The following SLC35F4 variants were observed in gnomAD, a reference collection of about 807,000 sequenced individuals.
SLC35F4 encodes the protein chromosome 14 open reading frame 36.
SLC35F4 carries 24 observed loss-of-function variants against 44.2 expected under a neutral mutation model. That is an observed-to-expected ratio of 0.54 (90% CI 0.39 to 0.76). SLC35F4 has a LOEUF of 0.76. Among genes scored for constraint, SLC35F4 ranks in the 30% least tolerant of loss-of-function variants. The probability of loss-of-function intolerance (pLI) is 0.00; values close to 1 mark genes in which losing one functional copy is unlikely to be tolerated. For missense variants in SLC35F4, 562 were observed against 586.1 expected (o/e 0.96, Z 0.42); for synonymous variants, 238 against 223.6 (o/e 1.06, Z -0.57).
chr14:57,887,856 T>C (rs1014490364), intron 1 of SLC35F4, among the ~76,000 whole-genome samples: 1 of 152,164 alleles, frequency 6.6e-6, no homozygotes, highest in African/African-American at 2.4e-5. Flanking sequence ...GCTTATTGGG[T>C]GTCAGCTGAC....
intron 1 of SLC35F4, among the ~76,000 whole-genome samples, chr14:57,834,690 C>T (rs1884719108): frequency 1.3e-5 from 2 of 152,178 alleles, no homozygotes; most frequent in South Asian, 4.1e-4. Context: ...TCAAATCCTT[C>T]CTATCCAGCA....
At chr14:57,912,141 A>G (rs189291447) in intron 1 of SLC35F4, among the ~76,000 whole-genome samples, 1 of 151,974 alleles carries the variant, frequency 6.6e-6, no homozygotes, top group Non-Finnish European at 1.5e-5. Flanking sequence ...GTTATTAGTA[A>G]TCTGCACATC....
At chr14:57,918,412 C>T (rs530569309) in intron 1 of SLC35F4, among the ~76,000 whole-genome samples, 4 of 152,200 alleles carry the variant, frequency 2.6e-5, no homozygotes, top group South Asian at 2.1e-4. Context: ...ATTTGGGAGG[C>T]GGTGGTTTTC....
chr14:57,817,950 G>A (rs1882783888), intron 1 of SLC35F4, among the ~76,000 whole-genome samples: 1 of 152,116 alleles, frequency 6.6e-6, no homozygotes, highest in Non-Finnish European at 1.5e-5. Flanking sequence ...CTTCATTAAA[G>A]CAATAGGGAA....
intron 1 of SLC35F4, among the ~76,000 whole-genome samples, chr14:57,645,505 C>T (rs61112176): frequency 0.027 from 4,058 of 152,136 alleles, 82 homozygotes; most frequent in South Asian, 0.075. Flanking sequence ...TGCTTATCAG[C>T]TTAAGGAGAT....
intron 1 of SLC35F4, among the ~76,000 whole-genome samples, chr14:57,789,703 T>C (rs2077864258): frequency 6.6e-6 from 1 of 152,052 alleles, no homozygotes; most frequent in Admixed American, 6.6e-5. Flanking sequence ...AAAATAAAAT[T>C]TCAGACCAAC....
Position 57,665,105 on chromosome 14 carries a change from A to G in SLC35F4, c.104-70981T>C, listed in dbSNP as rs575384720. 2.0e-5 allele frequency among the ~76,000 whole-genome samples: 3 copies of G among 151,774 alleles called. No homozygotes were observed. In the South Asian group the frequency reaches 6.3e-4, roughly 32 times the overall value. ...CTTCCCTTTGTCATCCACTCCTCAT[A>G]TTTTCAAACATCAACCGCCCTCCCG... is the stretch of plus-strand genomic sequence containing the variant. On this transcript the variant is annotated intron_variant, in intron 1 of 7. Coordinates refer to ENST00000556826, the MANE Select transcript of SLC35F4 (RefSeq NM_001306087.2).
At chr14:57,582,725 G>A (rs957120327) in intron 3 of SLC35F4, among the ~76,000 whole-genome samples, 5 of 152,170 alleles carry the variant, frequency 3.3e-5, no homozygotes, top group Admixed American at 6.5e-5. Flanking sequence ...TGTTTATAAT[G>A]AAATCTATTT....
At chr14:57,792,028 G>A (rs949907770) in intron 1 of SLC35F4, among the ~76,000 whole-genome samples, 1 of 151,906 alleles carries the variant, frequency 6.6e-6, no homozygotes, top group Non-Finnish European at 1.5e-5. Flanking sequence ...CGGGTTGATG[G>A]GGGCAGCAAA....
intron 1 of SLC35F4, among the ~76,000 whole-genome samples, chr14:57,705,406 C>A (rs1489476060): frequency 6.6e-6 from 1 of 152,168 alleles, no homozygotes; most frequent in African/African-American, 2.4e-5. Context: ...TGCTGGTTCT[C>A]TGTCTGACTC....
At chr14:57,721,265 G>C (rs2076080214) in intron 1 of SLC35F4, among the ~76,000 whole-genome samples, 1 of 151,914 alleles carries the variant, frequency 6.6e-6, no homozygotes, top group South Asian at 2.1e-4. Context: ...TGTTTAGAGA[G>C]TTATGCAAAA....
At chr14:57,588,186 A>G (rs1473996696) in intron 3 of SLC35F4, among the ~76,000 whole-genome samples, 1 of 152,222 alleles carries the variant, frequency 6.6e-6, no homozygotes, top group Non-Finnish European at 1.5e-5. Flanking sequence ...TGGAATTTGA[A>G]GATAGACCCT....
rs1889389418 is a variant in SLC35F4 at position 57,919,120 on chromosome 14, G to T, written n.282+62793C>A. On this transcript the variant is annotated intron_variant and non_coding_transcript_variant, in intron 1 of 1. Coordinates refer to the SLC35F4 transcript ENST00000556568. ...CATGGTTTGGATGCAGAAGACAGAG[G>T]AACCATGAGATGGAAGGAGCTCAAG... Among the ~76,000 whole-genome samples the T allele has an allele frequency of 2.6e-5, 4 of 152,138 alleles. No homozygotes were observed. The South Asian group carries it at 8.3e-4, about 32-fold the overall frequency.
rs144284763 is a variant in SLC35F4, at chr14:57,729,161, T to C, written c.104-135037A>G. ...TCTATGGGCTAAACCTGCTTGGTGT[T>C]CTATAACCCTCTTGTACTTGAACAT... On this transcript the variant is annotated intron_variant, in intron 1 of 7. Coordinates refer to ENST00000556826, the MANE Select transcript of SLC35F4 (RefSeq NM_001306087.2). Among the ~76,000 whole-genome samples, 993 of 152,284 alleles carry C rather than the reference T, an allele frequency of 6.5e-3. 7 individuals carry two copies. Among genetic ancestry groups the C allele is most frequent in the African/African-American group, 0.022 (926 of 41,546 alleles).
intron 1 of SLC35F4, among the ~76,000 whole-genome samples, chr14:57,814,395 T>C (rs956848222): frequency 3.9e-5 from 6 of 152,216 alleles, no homozygotes; most frequent in African/African-American, 1.4e-4. Flanking sequence ...CCCAAAGACC[T>C]AGTCCAAACT....
intron 1 of SLC35F4, among the ~76,000 whole-genome samples, chr14:57,677,420 A>ATTAG (rs1223995184): frequency 6.6e-6 from 1 of 151,600 alleles, no homozygotes; most frequent in Non-Finnish European, 1.5e-5. Context: ...AAAAATAAAA[A>ATTAG]TTATTTAAAA....
At chr14:57,613,412 G>A (rs2071623733) in intron 1 of SLC35F4, among the ~76,000 whole-genome samples, 1 of 152,160 alleles carries the variant, frequency 6.6e-6, no homozygotes, top group African/African-American at 2.4e-5. Flanking sequence ...TGAGGAGATG[G>A]CGGTCTGTGC....
intron 1 of SLC35F4, among the ~76,000 whole-genome samples, chr14:57,726,001 A>T (rs1387956669): frequency 2.0e-5 from 3 of 152,150 alleles, no homozygotes; most frequent in Non-Finnish European, 2.9e-5. Context: ...ATTCCATTAA[A>T]CTAGAAGTTA....
intron 1 of SLC35F4, among the ~76,000 whole-genome samples, chr14:57,914,961 G>T (rs538129924): frequency 6.6e-6 from 1 of 152,148 alleles, no homozygotes; most frequent in Non-Finnish European, 1.5e-5. Context: ...ACAAGTCTCT[G>T]TCTGGGTCCC....
Sources: allele counts gnomAD v4.1 joint callset (sites outside exome capture counted in the v4.1 genomes callset), GRCh38; gene constraint gnomAD v4.1.1; transcripts MANE v1.5; gene names NCBI Gene and HGNC (gene_info 2026-07-23, HGNC 2026-07-21).